The following SAG variants were observed in gnomAD, a reference collection of about 807,000 sequenced individuals.
SAG encodes the protein S-arrestin.
SAG carries 45 observed loss-of-function variants against 55.0 expected under a neutral mutation model. That is an observed-to-expected ratio of 0.82 (90% CI 0.64 to 1.05). SAG has a LOEUF of 1.05. Among genes scored for constraint, SAG ranks in the 50% least tolerant of loss-of-function variants. The probability of loss-of-function intolerance (pLI) is 0.00; values close to 1 mark genes in which losing one functional copy is unlikely to be tolerated. For synonymous variants in SAG, 189 were observed against 197.4 expected, an observed-to-expected ratio of 0.96 and a Z score of 0.36; for missense variants, 455 against 512.1, an observed-to-expected ratio of 0.89 and a Z score of 1.08.
chr2:233,334,701 ATAGAACATTCTAGAAAT>A (rs1180705759), intron 10 of SAG: 4 of 443,140 alleles, frequency 9.0e-6, no homozygotes, highest in Non-Finnish European at 1.7e-5. Flanking sequence ...CATTAACTCC[ATAGAACATTCTAGAAAT>A]TCAGCAATTC....
chr2:233,339,465 G>A (rs1055596867), intron 12 of SAG, among the ~76,000 whole-genome samples: 5 of 151,078 alleles, frequency 3.3e-5, no homozygotes, highest in East Asian at 3.9e-4. Flanking sequence ...GAAAATAAGC[G>A]TTTAAAAAGA....
intron 14 of SAG, chr2:233,344,373 G>C (rs1425204311): frequency 6.6e-6 from 1 of 152,244 alleles, no homozygotes; most frequent in Non-Finnish European, 1.5e-5. Context: ...TTTTCACCAT[G>C]TTGGCCAGGC....
intron 12 of SAG, among the ~76,000 whole-genome samples, chr2:233,339,024 T>C (rs1701021896): frequency 1.3e-5 from 2 of 152,232 alleles, no homozygotes; most frequent in Non-Finnish European, 2.9e-5. Context: ...TATGTGCATG[T>C]GGTAGAAGCT....
At chr2:233,329,775 C>A (rs576976906) in intron 9 of SAG, among the ~76,000 whole-genome samples, 198 bp downstream of exon 9, 3 of 152,346 alleles carry the variant, frequency 2.0e-5, no homozygotes, top group South Asian at 4.1e-4. Context: ...TGCCCACTTA[C>A]GGCTGGTTTT....
chr2:233,328,371 G>A, intron 7 of SAG, 107 bp from the exon 8 acceptor site: 5 of 1,372,274 alleles, frequency 3.6e-6, no homozygotes, highest in Non-Finnish European at 5.0e-6. Flanking sequence ...CTGTCTCCAT[G>A]GGGAGCATTC....
At chr2:233,343,577 A>G (rs950848856) in intron 14 of SAG, 4 of 774,400 alleles carry the variant, frequency 5.2e-6, no homozygotes, top group South Asian at 1.6e-5. Context: ...GACTGTGAAA[A>G]GGTAAATTGT....
chr2:233,309,925 C>A (rs1325677115), intron 2 of SAG, among the ~76,000 whole-genome samples: 1 of 152,190 alleles, frequency 6.6e-6, no homozygotes, highest in Non-Finnish European at 1.5e-5. Context: ...ATGCCCTTGG[C>A]CTTTTGTCTA....
intron 7 of SAG, 76 bp downstream of exon 7, chr2:233,327,273 T>G (rs1479173768): frequency 8.2e-7 from 1 of 1,219,316 alleles, no homozygotes; most frequent in African/African-American, 1.5e-5. Flanking sequence ...ACCTTGTCTC[T>G]GTGGGACAGA....
At chr2:233,345,211 A>C (rs1167016192) in intron 14 of SAG, 1 of 152,258 alleles carries the variant, frequency 6.6e-6, no homozygotes, top group Admixed American at 6.5e-5. Flanking sequence ...GATACAACAC[A>C]TGTGAAAACA....
chr2:233,346,577 C>G (rs919031706), intron 15 of SAG, among the ~76,000 whole-genome samples, 165 bp downstream of exon 15: 5 of 152,220 alleles, frequency 3.3e-5, no homozygotes, highest in African/African-American at 1.2e-4. Context: ...ACGGCACGCA[C>G]GCACCATTAC....
Position 233,340,435 on chromosome 2 carries a change from CGTTT to C in SAG, c.1023-13_1023-10del, listed in dbSNP as rs779595449. The C allele has an allele frequency of 6.2e-6, 10 of 1,608,300 alleles. No individual in the cohort carries two copies. Among genetic ancestry groups the C allele is most frequent in the Middle Eastern group, 1.7e-4 (1 of 6,054 alleles). ...TACCACTGTGACAGTTAACGACAGG[CGTTT>C]GTTTGTGTTTTCTAGCTTTCTGGGA... On this transcript the variant is annotated splice_polypyrimidine_tract_variant and intron_variant, in intron 12 of 15. Coordinates refer to ENST00000409110, the MANE Select transcript of SAG (RefSeq NM_000541.5). The surrounding 1 kb of genome is among the most constrained non-coding windows in gnomAD (Gnocchi z 4.2).
intron 5 of SAG, 82 bp downstream of exon 5, chr2:233,320,905 A>G: frequency 8.3e-7 from 1 of 1,209,592 alleles, no homozygotes; most frequent in South Asian, 1.5e-5. Flanking sequence ...AAGGGGATAG[A>G]GGAAGAACTT....
intron 3 of SAG, among the ~76,000 whole-genome samples, chr2:233,317,863 G>T (rs1559435018): frequency 6.6e-6 from 1 of 152,188 alleles, no homozygotes; most frequent in African/African-American, 2.4e-5. Flanking sequence ...ATAGATGTTT[G>T]CAATGTATAA....
chr2:233,314,490 C>T (rs1019259295), intron 2 of SAG, among the ~76,000 whole-genome samples: 2 of 152,180 alleles, frequency 1.3e-5, no homozygotes, highest in East Asian at 1.9e-4. Flanking sequence ...TAGGGCAACA[C>T]GCCCTGGTCA....
chr2:233,317,924 C>A (rs552264141), intron 3 of SAG, among the ~76,000 whole-genome samples: 1 of 152,248 alleles, frequency 6.6e-6, no homozygotes, highest in East Asian at 1.9e-4. Context: ...GGATCTTTTT[C>A]TTTACTTAGT....
chr2:233,316,147 G>A lies in SAG; in HGVS notation c.136+12G>A. On this transcript the variant is annotated intron_variant, in intron 3 of 15. Coordinates refer to ENST00000409110, the MANE Select transcript of SAG (RefSeq NM_000541.5). Reference sequence around the variant, plus strand: ...AGTCCAGCCTGTGGGTAAGTTGCTTGGAGAAAACTGTAATGCTGGTTTTCC... The same window carrying A: ...AGTCCAGCCTGTGGGTAAGTTGCTTAGAGAAAACTGTAATGCTGGTTTTCC... The A allele has an allele frequency of 1.3e-6, 2 of 1,524,208 alleles. No homozygotes were observed. Among genetic ancestry groups the A allele is most frequent in the Non-Finnish European group, 1.8e-6 (2 of 1,107,116 alleles). The allele number at this position is 1,524,208 out of a possible 1,614,324, so 94.4% of individuals were successfully genotyped here.
intron 6 of SAG, among the ~76,000 whole-genome samples, chr2:233,324,716 C>T (rs1286287595): frequency 6.6e-6 from 1 of 152,012 alleles, no homozygotes; most frequent in Non-Finnish European, 1.5e-5. Context: ...TGCCAGGACC[C>T]GTGGGTTCAG....
chr2:233,316,717 G>A (rs1442322863), intron 3 of SAG, among the ~76,000 whole-genome samples: 1 of 152,098 alleles, frequency 6.6e-6, no homozygotes, highest in East Asian at 1.9e-4. Flanking sequence ...GAGAAAATGG[G>A]GGAAAGACAG....
At chr2:233,335,192 G>A (rs1314850774) in intron 11 of SAG, 93 bp downstream of exon 11, 20 of 1,457,750 alleles carry the variant, frequency 1.4e-5, no homozygotes, top group Non-Finnish European at 1.6e-5. Flanking sequence ...TCGCAGGCAC[G>A]CACGTGCAGC....
Sources: gnomAD v4.1 joint callset for allele counts (sites outside exome capture counted in the v4.1 genomes callset) on GRCh38, gnomAD v4.1.1 for gene constraint, Gnocchi (gnomAD v3.1) non-coding constraint, MANE v1.5 for transcripts, NCBI Gene and HGNC (gene_info 2026-07-23, HGNC 2026-07-21) for gene names.